The following KIN variants were observed in gnomAD, a reference collection of about 807,000 sequenced individuals.
KIN encodes Kin17 DNA and RNA binding protein, also known as DNA/RNA-binding protein KIN17.
In KIN, 47 loss-of-function variants were observed where a neutral mutation model predicts 63.0. The observed-to-expected ratio is 0.75, with a 90% confidence interval of 0.59 to 0.95. KIN has a LOEUF of 0.95. KIN is among the 40% of genes least tolerant of loss of function. The pLI is 0.00. For synonymous variants in KIN, 160 were observed against 157.7 expected, an observed-to-expected ratio of 1.01 and a Z score of -0.11; for missense variants, 408 against 460.9, an observed-to-expected ratio of 0.89 and a Z score of 1.05.
intron 11 of KIN, among the ~76,000 whole-genome samples, chr10:7,762,159 C>T (rs1481562695): frequency 6.6e-6 from 1 of 151,762 alleles, no homozygotes; most frequent in Non-Finnish European, 1.5e-5. Context: ...AGATTCTCAA[C>T]CTATAACCAT....
chr10:7,755,872 C>A lies in KIN; in HGVS notation c.*208G>T. 2.7e-6 allele frequency: 1 copy of A among 369,370 alleles called. No homozygotes were observed. Among genetic ancestry groups the A allele is most frequent in the Non-Finnish European group, 4.8e-6 (1 of 206,912 alleles). 22.9% of individuals were successfully genotyped at this position (369,370 alleles called of 1,614,324 possible). On this transcript the variant is annotated 3_prime_UTR_variant, in exon 13 of 13. Coordinates refer to ENST00000379562, the MANE Select transcript of KIN (RefSeq NM_012311.4). Reference sequence around the variant, plus strand: ...TAAATTACAAAGGAAACAAAAATAACAAGGACAAAATTACATAGTTTGATA... The same window carrying A: ...TAAATTACAAAGGAAACAAAAATAAAAAGGACAAAATTACATAGTTTGATA...
Position 7,769,269 on chromosome 10 carries a change from T to C in KIN, c.745A>G (p.Thr249Ala), listed in dbSNP as rs1452062421. ...TTTTTCTTCTTTTCTTTAGACTGAG[T>C]TGAGCTCTGGGAAGATTCTTTTCGT... ...VKRKESSQSS[T>A]QSKEKKKKKS... The change falls in exon 8 of 13, where the codon ACT (threonine) becomes GCT (alanine). Residue 249 changes from threonine to alanine, a missense_variant. Around this residue, in one of 2 missense-constraint regions of KIN, gnomAD observed 298 missense variants for 296.0 expected, o/e 1.01. Coordinates refer to ENST00000379562, the MANE Select transcript of KIN (RefSeq NM_012311.4). 6.2e-7 allele frequency: 1 copy of C among 1,613,766 alleles called. No homozygotes were observed.
rs773504230 is a variant in KIN, at chr10:7,787,937, G to A, written c.-4C>T. 1.2e-6 allele frequency: 2 copies of A among 1,601,724 alleles called. No individual in the cohort carries two copies. Among genetic ancestry groups the A allele is most frequent in the African/African-American group, 1.3e-5 (1 of 74,794 alleles). On this transcript the variant is annotated 5_prime_UTR_variant, in exon 1 of 13. Coordinates refer to ENST00000379562, the MANE Select transcript of KIN (RefSeq NM_012311.4). The stretch of plus-strand genomic sequence containing the variant: ...TAAGAAAATCCGACTTCCCCATGGC[G>A]ACCACGGCAGCGATCACTTTCTGGA...
At chr10:7,767,522 T>C (rs1157139892) in intron 8 of KIN, among the ~76,000 whole-genome samples, 5 of 152,096 alleles carry the variant, frequency 3.3e-5, no homozygotes, top group African/African-American at 1.2e-4. Context: ...ACTTGAAGCT[T>C]TTTAGATCAT....
intron 9 of KIN, among the ~76,000 whole-genome samples, chr10:7,765,746 T>C (rs180723945): frequency 1.4e-4 from 21 of 152,302 alleles, no homozygotes; most frequent in Non-Finnish European, 2.2e-4. Flanking sequence ...AACTCATTTC[T>C]GAAAACATAA....
chr10:7,779,847 T>C lies in KIN; in HGVS notation c.376+209A>G, dbSNP rs142432591. On this transcript the variant is annotated intron_variant, in intron 4 of 12. Transcript: ENST00000379562. ...ACTGTATTACCTTGCATAGTATTTA[T>C]TCAGTTCTATCTAAGTATTTAATGT... 2.9e-3 allele frequency among the ~76,000 whole-genome samples: 446 copies of C among 152,328 alleles called. 2 individuals are homozygous for C. The highest frequency in any genetic ancestry group is 0.01 in the African/African-American group (430 of 41,572).
chr10:7,781,411 T>C (rs1227498404), intron 2 of KIN, among the ~76,000 whole-genome samples: 1 of 152,128 alleles, frequency 6.6e-6, no homozygotes, highest in African/African-American at 2.4e-5. Context: ...ACCCCGAATG[T>C]CATGCGAAAG....
rs572003489 is a variant in KIN, at chr10:7,776,379, A to G, written c.559-580T>C. Among the ~76,000 whole-genome samples the G allele has an allele frequency of 1.5e-3, 221 of 149,672 alleles. 1 individual carries two copies. Among genetic ancestry groups the G allele is most frequent in the Non-Finnish European group, 2.2e-3 (147 of 67,534 alleles). On this transcript the variant is annotated intron_variant, in intron 5 of 12. Transcript: ENST00000379562. ...AACGTGGTGAAACCCTGTCTCTACT[A>G]AAAATACAAAAATTTAGCCGGGTGT...
At chr10:7,784,204 A>G (rs1254921667) in intron 1 of KIN, among the ~76,000 whole-genome samples, 1 of 152,222 alleles carries the variant, frequency 6.6e-6, no homozygotes, top group Non-Finnish European at 1.5e-5. Context: ...TCTGACCTTC[A>G]TTCTCTTCAG....
At position 7,769,273 on chromosome 10, in the gene KIN, G is replaced by A. The variant is rs1355115605; in HGVS notation, c.741C>T (p.Ser247=). The change falls in exon 8 of 13, where the codon AGC becomes AGT. Residue 247 remains serine, a synonymous_variant. Coordinates refer to ENST00000379562, the MANE Select transcript of KIN (RefSeq NM_012311.4). The stretch of plus-strand genomic sequence containing the variant: ...TCTTCTTTTCTTTAGACTGAGTTGA[G>A]CTCTGGGAAGATTCTTTTCGTTTCA... The part of the protein sequence containing the change: ...ASVKRKESSQ[S]STQSKEKKKK... The A allele has an allele frequency of 1.2e-6, 2 of 1,613,352 alleles. No homozygotes were observed. Among genetic ancestry groups the A allele is most frequent in the East Asian group, 2.2e-5 (1 of 44,880 alleles).
In KIN at chr10:7,778,511, C is replaced by T. The variant is rs946478783; in HGVS notation, c.558+327G>A. 5.9e-5 allele frequency among the ~76,000 whole-genome samples: 9 copies of T among 152,230 alleles called. No individual in the cohort carries two copies. The East Asian group carries it at 9.7e-4, about 16-fold the overall frequency. On this transcript the variant is annotated intron_variant, in intron 5 of 12. Coordinates refer to ENST00000379562, the MANE Select transcript of KIN (RefSeq NM_012311.4). The stretch of plus-strand genomic sequence containing the variant: ...ATCCTGTAACTTTGGGAGGCCGAGG[C>T]GGCCGGATCACGAGGTCAGGAGTTG...
intron 4 of KIN, among the ~76,000 whole-genome samples, chr10:7,779,724 C>T (rs1835858699): frequency 6.6e-6 from 1 of 152,124 alleles, no homozygotes; most frequent in Non-Finnish European, 1.5e-5. Context: ...CATGCAAGTG[C>T]TACATCATTT....
intron 8 of KIN, among the ~76,000 whole-genome samples, chr10:7,768,779 G>A (rs893373622): frequency 6.6e-6 from 1 of 152,136 alleles, no homozygotes; most frequent in Admixed American, 6.5e-5. Flanking sequence ...GCATTTGGGA[G>A]TCCAAGGTGG....
At chr10:7,756,872 A>G (rs1313679120) in intron 12 of KIN, among the ~76,000 whole-genome samples, 1 of 152,224 alleles carries the variant, frequency 6.6e-6, no homozygotes, top group Admixed American at 6.5e-5. Context: ...TTCATATCGA[A>G]CAAAAAGGGA....
chr10:7,771,136 A>G (rs1175144112), intron 7 of KIN, among the ~76,000 whole-genome samples: 1 of 56,862 alleles, frequency 1.8e-5, no homozygotes, highest in African/African-American at 6.1e-5. Flanking sequence ...TGAACAGGCC[A>G]AATCCACGTA....
chr10:7,756,434 T>A (rs1410159576), intron 12 of KIN, among the ~76,000 whole-genome samples: 1 of 152,224 alleles, frequency 6.6e-6, no homozygotes, highest in Non-Finnish European at 1.5e-5. Context: ...GCCAGTTTCC[T>A]GGCTCCCTTG....
rs1056665882 is a variant in KIN, at chr10:7,752,142, C to A, written c.*3938G>T. On this transcript the variant is annotated 3_prime_UTR_variant, in exon 13 of 13. Transcript: ENST00000379562. Reference sequence around the variant, plus strand: ...CTTAAAACAAAATGAGAAGACAGGCCACTGACTGAGAGAAAATACTTGCAA... The same window carrying A: ...CTTAAAACAAAATGAGAAGACAGGCAACTGACTGAGAGAAAATACTTGCAA... 2 of 151,942 alleles carry A rather than the reference C, an allele frequency of 1.3e-5. No individual in the cohort carries two copies. The highest frequency in any genetic ancestry group is 4.8e-5 in the African/African-American group (2 of 41,368). 9.4% of individuals were successfully genotyped at this position (151,942 alleles called of 1,614,324 possible).
chr10:7,785,609 G>A (rs984682566), intron 1 of KIN, among the ~76,000 whole-genome samples: 1 of 152,040 alleles, frequency 6.6e-6, no homozygotes, highest in Non-Finnish European at 1.5e-5. Flanking sequence ...CCTGGCCAAC[G>A]TGGCAAAACT....
chr10:7,775,835 T>C, intron 5 of KIN, 36 bp from the exon 6 acceptor site: 1 of 1,316,460 alleles, frequency 7.6e-7, no homozygotes, highest in Non-Finnish European at 1.1e-6. Flanking sequence ...TTGGTGTACA[T>C]TGCACTTACT....
Sources: gnomAD v4.1 joint callset for allele counts (sites outside exome capture counted in the v4.1 genomes callset) on GRCh38, gnomAD v4.1.1 for gene constraint, gnomAD v4.1.1 regional missense constraint, MANE v1.5 for transcripts, NCBI Gene and HGNC (gene_info 2026-07-23, HGNC 2026-07-21) for gene names.